SLC35F5: variants seen among roughly 807,000 people sequenced by gnomAD.
SLC35F5 encodes HCV NS5A-transactivated protein 3.
SLC35F5 carries 54 observed loss-of-function variants against 68.6 expected under a neutral mutation model. That is an observed-to-expected ratio of 0.79 (90% CI 0.63 to 0.99). The LOEUF (loss-of-function observed/expected upper bound fraction) is 0.99, where lower values mean the gene tolerates loss of function less well. Ranked by LOEUF, SLC35F5 falls within the 50% of genes least tolerant of loss-of-function variation. The pLI is 0.00. For synonymous variants in SLC35F5, 211 were observed against 205.2 expected, an observed-to-expected ratio of 1.03 and a Z score of -0.24; for missense variants, 567 against 626.9, an observed-to-expected ratio of 0.90 and a Z score of 1.02.
In SLC35F5 at chr2:113,712,595, G is replaced by A. The variant is rs556620558; in HGVS notation, c.*2623C>T. Among the ~76,000 whole-genome samples the A allele has an allele frequency of 6.6e-5, 10 of 152,118 alleles. No individual in the cohort carries two copies. The highest frequency in any genetic ancestry group is 6.6e-4 in the Admixed American group (10 of 15,262). ...CTCCCAAAGTGCTGGGACTACAGGC[G>A]TGAGCCACCACGCCCGGCCCAAAAG... On this transcript the variant is annotated 3_prime_UTR_variant, in exon 16 of 16. Transcript: ENST00000245680.
intron 10 of SLC35F5, among the ~76,000 whole-genome samples, chr2:113,731,160 C>T (rs1488856017): frequency 6.6e-6 from 1 of 151,996 alleles, no homozygotes; most frequent in Admixed American, 6.6e-5. Flanking sequence ...AGGTGGTACC[C>T]TACAAAAGTG....
Position 113,719,187 on chromosome 2 carries a change from A to T in SLC35F5, c.1463T>A (p.Phe488Tyr). 1.2e-6 allele frequency: 2 copies of T among 1,607,216 alleles called. No homozygotes were observed. Among genetic ancestry groups the T allele is most frequent in the Non-Finnish European group, 1.7e-6 (2 of 1,178,704 alleles). Residue 488 changes from phenylalanine (F) to tyrosine (Y), a missense_variant, in exon 14 of 16, where the codon TTT becomes TAT. Phe to Tyr is a conservative substitution (Grantham distance 22). Coordinates refer to ENST00000245680, the MANE Select transcript of SLC35F5 (RefSeq NM_025181.5). ...DPVMVGIRRI[F>Y]AFICRKHRIQ... ...TCGATGTTTTCTGCATATAAAAGCAAATATTCTTCTGATTCCCACCATCAC... is the reference window on the plus strand; with the variant it reads ...TCGATGTTTTCTGCATATAAAAGCATATATTCTTCTGATTCCCACCATCAC...
Position 113,710,349 on chromosome 2 carries a change from A to G in SLC35F5, c.*4869T>C, listed in dbSNP as rs753971439. 6.6e-6 allele frequency among the ~76,000 whole-genome samples: 1 copy of G among 152,262 alleles called. No homozygotes were observed. Among genetic ancestry groups the G allele is most frequent in the Non-Finnish European group, 1.5e-5 (1 of 68,044 alleles). ...CAATGAAATTTTGCTTTGATGTTAC[A>G]TGGTCTGACTGACACTGGATTTCTT... is the stretch of plus-strand genomic sequence containing the variant. On this transcript the variant is annotated 3_prime_UTR_variant, in exon 16 of 16. Coordinates refer to ENST00000245680, the MANE Select transcript of SLC35F5 (RefSeq NM_025181.5).
Position 113,735,827 on chromosome 2 carries a change from G to T in SLC35F5, c.782C>A (p.Ala261Glu). The T allele has an allele frequency of 6.2e-7, 1 of 1,609,484 alleles. No homozygotes were observed. The highest frequency in any genetic ancestry group is 8.5e-7 in the Non-Finnish European group (1 of 1,178,262). ...TATAGCAACTTGTGTGTCTGAAAGT[G>T]CTTCTTGATATGACAAATTTGCCAA... ...WFLANLSYQE[A>E]LSDTQVAIVN... is the part of the protein sequence containing the mutation. Residue 261 changes from alanine (A) to glutamate (E), a missense_variant, in exon 8 of 16, where the codon GCA (alanine) becomes GAA (glutamate). Ala to Glu is a moderately radical substitution (Grantham distance 107, BLOSUM62 -1). Coordinates refer to ENST00000245680, the MANE Select transcript of SLC35F5 (RefSeq NM_025181.5).
At chr2:113,737,845 T>C (rs1688148248) in intron 7 of SLC35F5, among the ~76,000 whole-genome samples, 1 of 152,130 alleles carries the variant, frequency 6.6e-6, no homozygotes, top group Non-Finnish European at 1.5e-5. Context: ...CCAATAGAAA[T>C]TGTCCATACA....
rs760477563 is a variant in SLC35F5 at position 113,711,721 on chromosome 2, G to A, written c.*3497C>T. Among the ~76,000 whole-genome samples the A allele has an allele frequency of 6.6e-6, 1 of 152,114 alleles. No homozygotes were observed. Among genetic ancestry groups the A allele is most frequent in the African/African-American group, 2.4e-5 (1 of 41,414 alleles). ...GTAAGTTTATCTGCAGATGTTACAG[G>A]TAATTATTTCTGTTAACTCCTCCTA... On this transcript the variant is annotated 3_prime_UTR_variant, in exon 16 of 16. Transcript: ENST00000245680.
At chr2:113,728,164 T>C (rs2104428543) in intron 11 of SLC35F5, among the ~76,000 whole-genome samples, 1 of 152,256 alleles carries the variant, frequency 6.6e-6, no homozygotes, top group Non-Finnish European at 1.5e-5. Context: ...GCTATTATGC[T>C]ATATTTCTTG....
chr2:113,738,514 T>C (rs1341323739), intron 7 of SLC35F5, among the ~76,000 whole-genome samples: 3 of 152,128 alleles, frequency 2.0e-5, no homozygotes. Context: ...GACACTCAGG[T>C]TGTTCCCGTA....
chr2:113,721,666 C>T lies in SLC35F5; in HGVS notation c.1341+1438G>A, dbSNP rs565238016. On this transcript the variant is annotated intron_variant, in intron 13 of 15. Transcript: ENST00000245680. ...AATCCTCTAACAAGTAGCACCTTCC[C>T]AGTTTCACAACCAGTTTGGTTCATA... Among the ~76,000 whole-genome samples, 4 of 152,142 alleles carry T rather than the reference C, an allele frequency of 2.6e-5. No individual in the cohort carries two copies. In the East Asian group the frequency reaches 7.7e-4, roughly 29 times the overall value.
chr2:113,748,449 G>C (rs555110820), intron 4 of SLC35F5, among the ~76,000 whole-genome samples: 55 of 152,250 alleles, frequency 3.6e-4, no homozygotes, highest in African/African-American at 1.3e-3. Context: ...TAATAGGCAT[G>C]AGATACCGCA....
At chr2:113,722,976 C>A (rs1687508192) in intron 13 of SLC35F5, 128 bp downstream of exon 13, 2 of 538,466 alleles carry the variant, frequency 3.7e-6, no homozygotes, top group Non-Finnish European at 6.1e-6. Context: ...TAGTAAAGCA[C>A]CTTGGGAGAG....
rs1398773370 is a variant in SLC35F5 at position 113,710,675 on chromosome 2, C to T, written c.*4543G>A. On this transcript the variant is annotated 3_prime_UTR_variant, in exon 16 of 16. Transcript: ENST00000245680. ...CCAGTAGTCCCAACTACTCAGGAGA[C>T]TGAGGTGGGAGGATGGCTTGAGCTT... 2.6e-5 allele frequency among the ~76,000 whole-genome samples: 4 copies of T among 152,006 alleles called. No homozygotes were observed. The highest frequency in any genetic ancestry group is 5.9e-5 in the Non-Finnish European group (4 of 68,020).
chr2:113,730,374 T>C (rs1391475565), intron 10 of SLC35F5, among the ~76,000 whole-genome samples: 1 of 152,210 alleles, frequency 6.6e-6, no homozygotes, highest in Non-Finnish European at 1.5e-5. Context: ...TTTATTATTT[T>C]CAAACTTTTT....
Position 113,725,409 on chromosome 2 carries a change from C to T in SLC35F5, c.1219G>A (p.Gly407Arg). ...LMCIIINGLIGTVLSEFLWLW... is the reference protein window; with the variant it reads ...LMCIIINGLIRTVLSEFLWLW... Reference sequence around the variant, plus strand: ...CACAGGAACTCTGAGAGTACTGTTCCAATAAGGCCATTAATGATAATGCAC... The same window carrying T: ...CACAGGAACTCTGAGAGTACTGTTCTAATAAGGCCATTAATGATAATGCAC... Residue 407 changes from glycine to arginine, a missense_variant, in exon 12 of 16, where the codon GGA (glycine) becomes AGA (arginine). Physicochemically the swap from Gly to Arg is moderately radical, Grantham distance 125. Coordinates refer to ENST00000245680, the MANE Select transcript of SLC35F5 (RefSeq NM_025181.5). The T allele has an allele frequency of 6.2e-7, 1 of 1,609,296 alleles. No individual in the cohort carries two copies. The highest frequency in any genetic ancestry group is 1.1e-5 in the South Asian group (1 of 89,762).
intron 7 of SLC35F5, among the ~76,000 whole-genome samples, chr2:113,739,501 C>T (rs1419862412): frequency 6.6e-6 from 1 of 152,088 alleles, no homozygotes; most frequent in Non-Finnish European, 1.5e-5. Context: ...TTAGTGATAA[C>T]TTGATTAATA....
Position 113,719,084 on chromosome 2 carries a change from C to T in SLC35F5, c.1496+70G>A. The T allele has an allele frequency of 1.0e-5, 14 of 1,404,592 alleles. No individual in the cohort carries two copies. In the South Asian group the frequency reaches 1.8e-4, roughly 19 times the overall value. 87.0% of individuals were successfully genotyped at this position (1,404,592 alleles called of 1,614,324 possible). A position where few individuals can be genotyped will look rare whatever the true frequency, so the allele number is the denominator to read the frequency against. ...CCTCACAAAATCTCTAAAAGCTAGG[C>T]CAGCATGATGCAATTCTCAGTTATC... On this transcript the variant is annotated intron_variant, in intron 14 of 15. Transcript: ENST00000245680.
chr2:113,749,986 G>C (rs1676670583), intron 4 of SLC35F5, among the ~76,000 whole-genome samples: 1 of 151,960 alleles, frequency 6.6e-6, no homozygotes, highest in African/African-American at 2.4e-5. Flanking sequence ...AATATAATTT[G>C]ATTAGCCAAA....
intron 10 of SLC35F5, among the ~76,000 whole-genome samples, chr2:113,730,717 A>G (rs889996611): frequency 6.6e-6 from 1 of 152,230 alleles, no homozygotes; most frequent in Admixed American, 6.5e-5. Flanking sequence ...AACAGGCATG[A>G]GTCACCATGC....
intron 11 of SLC35F5, among the ~76,000 whole-genome samples, chr2:113,728,114 C>G (rs13428433): frequency 0.14 from 21,873 of 152,130 alleles, 1,703 homozygotes; most frequent in African/African-American, 0.19. Context: ...GCCTCAGCCT[C>G]TCATGCAGCT....
Sources: allele counts gnomAD v4.1 joint callset (sites outside exome capture counted in the v4.1 genomes callset), GRCh38; gene constraint gnomAD v4.1.1; transcripts MANE v1.5; gene names NCBI Gene and HGNC (gene_info 2026-07-23, HGNC 2026-07-21).